Variants in STAC observed in about 807,000 individuals in gnomAD.
STAC encodes the protein SH3 and cysteine-rich domain-containing protein.
STAC carries 43 observed loss-of-function variants against 48.8 expected under a neutral mutation model. The ratio of observed to expected loss-of-function variants is 0.88; its 90% confidence interval spans 0.69 to 1.14. The LOEUF (loss-of-function observed/expected upper bound fraction) is 1.14, where lower values mean the gene tolerates loss of function less well. STAC is among the 50% of genes most tolerant of loss of function. The pLI, the probability that STAC is intolerant of heterozygous loss-of-function variation, is 0.00. For missense variants in STAC, 497 were observed against 504.0 expected (o/e 0.99, Z 0.13); for synonymous variants, 193 against 179.5 (o/e 1.07, Z -0.60).
chr3:36,497,797 T>A (rs1270690828), intron 6 of STAC, among the ~76,000 whole-genome samples: 2 of 152,076 alleles, frequency 1.3e-5, no homozygotes, highest in Non-Finnish European at 2.9e-5. Context: ...AAAGAAACAG[T>A]CTTCTTACTT....
At chr3:36,498,093 A>G (rs1003176631) in intron 6 of STAC, among the ~76,000 whole-genome samples, 1 of 152,216 alleles carries the variant, frequency 6.6e-6, no homozygotes, top group African/African-American at 2.4e-5. Context: ...CTTTATGGTC[A>G]GATTTTCAAG....
chr3:36,431,779 C>T (rs533960846), intron 1 of STAC, among the ~76,000 whole-genome samples: 15 of 152,280 alleles, frequency 9.9e-5, no homozygotes, highest in African/African-American at 3.6e-4. Context: ...CCTCCCTGCT[C>T]TTTCTGGCAC....
At chr3:36,499,728 A>G (rs1435409971) in intron 6 of STAC, among the ~76,000 whole-genome samples, 3 of 152,060 alleles carry the variant, frequency 2.0e-5, no homozygotes, top group African/African-American at 7.2e-5. Flanking sequence ...AAATATCTAA[A>G]ACATAAGGAT....
intron 10 of STAC, among the ~76,000 whole-genome samples, chr3:36,545,801 T>C (rs1053559311): frequency 2.6e-5 from 4 of 152,210 alleles, no homozygotes; most frequent in African/African-American, 9.6e-5. Context: ...TGCTGAATGA[T>C]AGCTATTATT....
chr3:36,513,518 A>G (rs1249563912), intron 8 of STAC, among the ~76,000 whole-genome samples: 2 of 152,042 alleles, frequency 1.3e-5, no homozygotes, highest in Non-Finnish European at 2.9e-5. Context: ...CTCCCTTCCT[A>G]TCTACTATGG....
At chr3:36,530,253 C>G (rs1180059462) in intron 10 of STAC, among the ~76,000 whole-genome samples, 1 of 152,130 alleles carries the variant, frequency 6.6e-6, no homozygotes, top group East Asian at 1.9e-4. Flanking sequence ...TATTATTTCC[C>G]AAGGTAATGA....
intron 10 of STAC, among the ~76,000 whole-genome samples, chr3:36,535,517 A>C (rs948065468): frequency 6.6e-6 from 1 of 152,206 alleles, no homozygotes; most frequent in Non-Finnish European, 1.5e-5. Context: ...GTTGAATAGA[A>C]GTGGCGAGAG....
chr3:36,536,200 G>C (rs1455331690), intron 10 of STAC, among the ~76,000 whole-genome samples: 1 of 151,776 alleles, frequency 6.6e-6, no homozygotes, highest in Non-Finnish European at 1.5e-5. Flanking sequence ...GTCTTGGGAG[G>C]GTGTATGGCC....
intron 2 of STAC, among the ~76,000 whole-genome samples, chr3:36,457,057 C>T (rs1696874216): frequency 6.6e-6 from 1 of 152,230 alleles, no homozygotes; most frequent in South Asian, 2.1e-4. Flanking sequence ...CCTAGTTTGA[C>T]TTGCTCAAAC....
In STAC at chr3:36,414,952, T is replaced by C. The variant is rs563552685; in HGVS notation, c.112-28412T>C. ...AGGTCCACTCCAGACCCTGTTTGCC[T>C]AGGTATCAGCAGTGGAGGCTGCAGA... On this transcript the variant is annotated intron_variant, in intron 1 of 10. Coordinates refer to ENST00000273183, the MANE Select transcript of STAC (RefSeq NM_003149.3). 6.6e-5 allele frequency among the ~76,000 whole-genome samples: 10 copies of C among 152,326 alleles called. 1 individual carries two copies. In the South Asian group the frequency reaches 2.1e-3, roughly 32 times the overall value.
At chr3:36,543,024 T>C (rs1316798490) in intron 10 of STAC, among the ~76,000 whole-genome samples, 3 of 152,190 alleles carry the variant, frequency 2.0e-5, no homozygotes, top group African/African-American at 7.2e-5. Flanking sequence ...GCTAGGGAGA[T>C]CAACTGTTCA....
chr3:36,479,157 G>A (rs975251023), intron 2 of STAC, among the ~76,000 whole-genome samples: 1 of 152,148 alleles, frequency 6.6e-6, no homozygotes, highest in African/African-American at 2.4e-5. Flanking sequence ...GAAAACGTAT[G>A]TGTAAAGTAA....
chr3:36,426,549 ATTG>A (rs1283233093), intron 1 of STAC, among the ~76,000 whole-genome samples: 10 of 152,208 alleles, frequency 6.6e-5, no homozygotes, highest in African/African-American at 2.4e-4. Flanking sequence ...CTGCATATAA[ATTG>A]TTGTCTTAAT....
chr3:36,455,590 T>C (rs1426047418), intron 2 of STAC, among the ~76,000 whole-genome samples: 1 of 152,244 alleles, frequency 6.6e-6, no homozygotes, highest in Non-Finnish European at 1.5e-5. Flanking sequence ...AATGTCATCC[T>C]GCACTATCAT....
intron 1 of STAC, among the ~76,000 whole-genome samples, chr3:36,398,410 GAGAGGGAAGGAAGGAA>G (rs1404625103): frequency 1.4e-3 from 183 of 130,490 alleles, no homozygotes; most frequent in Middle Eastern, 4.1e-3. Context: ...AAGAGAAAGA[GAGAGGGAAGGAAGGAA>G]GGAAGGAAGG....
At chr3:36,513,381 A>G (rs1698589370) in intron 8 of STAC, among the ~76,000 whole-genome samples, 1 of 152,136 alleles carries the variant, frequency 6.6e-6, no homozygotes, top group East Asian at 1.9e-4. Flanking sequence ...CTTTTGCCCA[A>G]AATGTATTTG....
chr3:36,483,818 G>A (rs952178020), intron 3 of STAC, among the ~76,000 whole-genome samples: 1 of 152,206 alleles, frequency 6.6e-6, no homozygotes, highest in African/African-American at 2.4e-5. Context: ...GAGTGTGGTG[G>A]TGTGTGCCTG....
At chr3:36,481,277 G>A (rs890011339) in intron 2 of STAC, among the ~76,000 whole-genome samples, 4 of 152,188 alleles carry the variant, frequency 2.6e-5, no homozygotes, top group African/African-American at 4.8e-5. Flanking sequence ...GCAGAGCCTC[G>A]CCAGTATGAT....
chr3:36,536,831 A>C (rs1575270830), intron 10 of STAC, among the ~76,000 whole-genome samples: 1 of 151,838 alleles, frequency 6.6e-6, no homozygotes, highest in South Asian at 2.1e-4. Flanking sequence ...AAATTTACAA[A>C]AAAAACAAGA....
Sources: gnomAD v4.1 joint callset for allele counts (sites outside exome capture counted in the v4.1 genomes callset) on GRCh38, gnomAD v4.1.1 for gene constraint, MANE v1.5 for transcripts, NCBI Gene and HGNC (gene_info 2026-07-23, HGNC 2026-07-21) for gene names.